The following PLCB1 variants were observed in gnomAD, a reference collection of about 807,000 sequenced individuals.
PLCB1 encodes phospholipase C beta 1, also known as 1-phosphatidylinositol 4,5-bisphosphate phosphodiesterase beta-1.
In PLCB1, 46 loss-of-function variants were observed where a neutral mutation model predicts 161.8. The observed-to-expected ratio is 0.28, with a 90% CI of 0.22 to 0.36. The LOEUF is 0.36. Among genes scored for constraint, PLCB1 ranks in the 10% least tolerant of loss-of-function variants. PLCB1 has a pLI of 1.00. For synonymous variants in PLCB1, 517 were observed against 503.7 expected (o/e 1.03, Z -0.35); for missense variants, 1,016 against 1,472.5 (o/e 0.69, Z 5.07).
chr20:8,193,884 A>G (rs1031948410), intron 2 of PLCB1, among the ~76,000 whole-genome samples: 2 of 151,994 alleles, frequency 1.3e-5, no homozygotes, highest in Non-Finnish European at 2.9e-5. Flanking sequence ...TACTTTTTAA[A>G]TGGATCTGTT....
At chr20:8,302,499 T>C (rs1983955521) in intron 2 of PLCB1, among the ~76,000 whole-genome samples, 2 of 152,232 alleles carry the variant, frequency 1.3e-5, no homozygotes, top group African/African-American at 4.8e-5. Context: ...CTTTTAATTA[T>C]ACTTTATCTA....
At chr20:8,206,320 T>A (rs547815151) in intron 2 of PLCB1, among the ~76,000 whole-genome samples, 5 of 152,326 alleles carry the variant, frequency 3.3e-5, no homozygotes, top group Admixed American at 3.3e-4. Flanking sequence ...ATTTATGTAT[T>A]GTGAACATTT....
intron 2 of PLCB1, among the ~76,000 whole-genome samples, chr20:8,266,979 A>G (rs1981989816): frequency 6.6e-6 from 1 of 151,590 alleles, no homozygotes. Context: ...GGAGGGTGCA[A>G]TGAGCCTAGA....
intron 2 of PLCB1, among the ~76,000 whole-genome samples, chr20:8,296,059 A>G (rs952973380): frequency 6.6e-6 from 1 of 152,176 alleles, no homozygotes; most frequent in African/African-American, 2.4e-5. Flanking sequence ...ACCAAATACT[A>G]CAGAGGATTG....
At chr20:8,440,130 C>T (rs1268096230) in intron 3 of PLCB1, among the ~76,000 whole-genome samples, 7 of 152,136 alleles carry the variant, frequency 4.6e-5, no homozygotes, top group Non-Finnish European at 7.4e-5. Context: ...ATGCTGATCA[C>T]CTCAAGGTCG....
At chr20:8,828,994 CTTCCTTTGA>C (rs748664755) in intron 31 of PLCB1, among the ~76,000 whole-genome samples, 15 of 152,134 alleles carry the variant, frequency 9.9e-5, no homozygotes, top group Non-Finnish European at 1.6e-4. Context: ...ATGCCTGTAA[CTTCCTTTGA>C]AATGCACCCA....
At chr20:8,638,151 C>G (rs1239456417) in intron 4 of PLCB1, among the ~76,000 whole-genome samples, 1 of 152,186 alleles carries the variant, frequency 6.6e-6, no homozygotes, top group African/African-American at 2.4e-5. Context: ...ACCTCGGCCT[C>G]CCAAAGTGCT....
At chr20:8,368,528 C>CAAAAAAAAAAA (rs1216338206) in intron 2 of PLCB1, among the ~76,000 whole-genome samples, 2 of 63,822 alleles carry the variant, frequency 3.1e-5, no homozygotes, top group African/African-American at 1.2e-4. Context: ...CTCTGTCTCT[C>CAAAAAAAAAAA]AAAAAAAAAA....
intron 25 of PLCB1, among the ~76,000 whole-genome samples, chr20:8,762,815 C>T (rs1982111089): frequency 2.0e-5 from 3 of 152,110 alleles, no homozygotes. Flanking sequence ...AATAACATAA[C>T]TTATTATTCT....
chr20:8,800,699 C>G (rs1388007124), intron 31 of PLCB1, among the ~76,000 whole-genome samples: 1 of 151,062 alleles, frequency 6.6e-6, no homozygotes, highest in Admixed American at 6.7e-5. Context: ...TTCTTTGCAC[C>G]TTTCGTATTA....
chr20:8,670,888 G>C (rs1262553118), intron 9 of PLCB1, among the ~76,000 whole-genome samples: 1 of 152,198 alleles, frequency 6.6e-6, no homozygotes, highest in Non-Finnish European at 1.5e-5. Flanking sequence ...AAGGGCCAAA[G>C]CACCAGGAAA....
At chr20:8,719,224 G>GTTATAAGTTA (rs1979494727) in intron 14 of PLCB1, among the ~76,000 whole-genome samples, 1 of 152,086 alleles carries the variant, frequency 6.6e-6, no homozygotes, top group South Asian at 2.1e-4. Context: ...TTAAACATAG[G>GTTATAAGTTA]AACAATCAAT....
At chr20:8,360,863 A>G (rs1251351253) in intron 2 of PLCB1, among the ~76,000 whole-genome samples, 1 of 152,194 alleles carries the variant, frequency 6.6e-6, no homozygotes, top group Non-Finnish European at 1.5e-5. Context: ...AGGTCATCAA[A>G]ATGCAAACCT....
At chr20:8,413,741 T>C (rs1979147733) in intron 3 of PLCB1, among the ~76,000 whole-genome samples, 1 of 152,216 alleles carries the variant, frequency 6.6e-6, no homozygotes. Flanking sequence ...TTTTAACATA[T>C]TCTGAATCTT....
intron 31 of PLCB1, among the ~76,000 whole-genome samples, chr20:8,832,518 G>T (rs947564028): frequency 6.6e-6 from 1 of 152,178 alleles, no homozygotes; most frequent in African/African-American, 2.4e-5. Flanking sequence ...TCCTTGTTCT[G>T]CTTAAGAAAT....
At chr20:8,356,328 T>C (rs990349307) in intron 2 of PLCB1, among the ~76,000 whole-genome samples, 2 of 152,122 alleles carry the variant, frequency 1.3e-5, no homozygotes, top group Admixed American at 6.6e-5. Context: ...GTAGGATTTG[T>C]TATAATGCAG....
intron 18 of PLCB1, among the ~76,000 whole-genome samples, chr20:8,730,427 T>C (rs900018565): frequency 1.3e-5 from 2 of 151,868 alleles, no homozygotes; most frequent in Admixed American, 1.3e-4. Flanking sequence ...TTTTTTCACT[T>C]TGTATCTTTT....
intron 12 of PLCB1, among the ~76,000 whole-genome samples, chr20:8,711,075 G>A (rs1260225285): frequency 4.6e-5 from 7 of 151,988 alleles, no homozygotes; most frequent in African/African-American, 7.3e-5. Flanking sequence ...TATGATTATC[G>A]CCATTTTACA....
chr20:8,234,352 A>G (rs1980217071), intron 2 of PLCB1, among the ~76,000 whole-genome samples: 1 of 149,402 alleles, frequency 6.7e-6, no homozygotes, highest in Non-Finnish European at 1.5e-5. Flanking sequence ...AGTTACAGAA[A>G]TAGTGTTACA....
Sources: gnomAD v4.1 joint callset for allele counts (sites outside exome capture counted in the v4.1 genomes callset) on GRCh38, gnomAD v4.1.1 for gene constraint, MANE v1.5 for transcripts, NCBI Gene and HGNC (gene_info 2026-07-23, HGNC 2026-07-21) for gene names.